BABAM2: variants seen among roughly 807,000 people sequenced by gnomAD.
The protein encoded by BABAM2 is BRISC and BRCA1-A complex member 2.
BABAM2 carries 31 observed loss-of-function variants against 54.7 expected under a neutral mutation model. That is an observed-to-expected ratio of 0.57 (90% CI 0.43 to 0.77). BABAM2 has a LOEUF of 0.77. Among genes scored for constraint, BABAM2 ranks in the 30% least tolerant of loss-of-function variants. BABAM2 has a pLI of 0.00. For missense variants in BABAM2, 364 were observed against 455.8 expected, an observed-to-expected ratio of 0.80 and a Z score of 1.83; for synonymous variants, 167 against 162.9, an observed-to-expected ratio of 1.03 and a Z score of -0.19.
chr2:27,918,698 A>G (rs964138752), intron 2 of BABAM2, among the ~76,000 whole-genome samples: 1 of 152,058 alleles, frequency 6.6e-6, no homozygotes, highest in Non-Finnish European at 1.5e-5. Context: ...ACAACTTTTC[A>G]TTATGAGTCT....
intron 7 of BABAM2, among the ~76,000 whole-genome samples, chr2:28,211,938 T>G (rs979896249): frequency 6.6e-6 from 1 of 152,194 alleles, no homozygotes; most frequent in Non-Finnish European, 1.5e-5. Context: ...AGTGGTTGGT[T>G]TGTTCAAATC....
chr2:28,107,000 A>C (rs920601804), intron 6 of BABAM2, among the ~76,000 whole-genome samples: 1 of 152,202 alleles, frequency 6.6e-6, no homozygotes, highest in African/African-American at 2.4e-5. Flanking sequence ...GCATATTTGT[A>C]ACTTCCTTCT....
At chr2:28,299,603 T>C (rs1324627604) in intron 11 of BABAM2, among the ~76,000 whole-genome samples, 1 of 152,182 alleles carries the variant, frequency 6.6e-6, no homozygotes, top group Admixed American at 6.5e-5. Context: ...GCATCTACCA[T>C]GTTCCAAGCA....
At chr2:27,931,685 G>A (rs1212126966) in intron 3 of BABAM2, among the ~76,000 whole-genome samples, 4 of 151,970 alleles carry the variant, frequency 2.6e-5, no homozygotes, top group African/African-American at 9.7e-5. Context: ...TTCTTAGTAA[G>A]TACCTGGTAC....
chr2:28,245,174 A>G (rs941669407), intron 10 of BABAM2, among the ~76,000 whole-genome samples: 1 of 152,072 alleles, frequency 6.6e-6, no homozygotes, highest in Non-Finnish European at 1.5e-5. Context: ...ACATCCTACA[A>G]TGCACATGAC....
At chr2:28,201,519 C>T (rs1195671435) in intron 7 of BABAM2, among the ~76,000 whole-genome samples, 14 of 151,972 alleles carry the variant, frequency 9.2e-5, no homozygotes, top group Non-Finnish European at 1.9e-4. Flanking sequence ...TTACATGGTG[C>T]CCTAATATTC....
intron 10 of BABAM2, among the ~76,000 whole-genome samples, chr2:28,255,653 T>TC (rs1683908413): frequency 6.6e-6 from 1 of 151,910 alleles, no homozygotes; most frequent in South Asian, 2.1e-4. Context: ...AACTTAGAAG[T>TC]TTTTGTTTGT....
In BABAM2 at chr2:28,026,929, T is replaced by TATATATATAGATATATATAA. The variant is rs1675853333; in HGVS notation, c.495+1518_495+1519insGATATATATAAATATATATA. 1.5e-4 allele frequency among the ~76,000 whole-genome samples: 2 copies of TATATATATAGATATATATAA among 13,254 alleles called. 1 individual carries two copies. The highest frequency in any genetic ancestry group is 3.7e-4 in the Non-Finnish European group (2 of 5,458). 8.7% of individuals were successfully genotyped at this position (13,254 alleles called of 152,430 possible). The stretch of plus-strand genomic sequence containing the variant: ...ATAAATATATATTAATATATATAAA[T>TATATATATAGATATATATAA]ATATATATAAATATATATTAATATA... On this transcript the variant is annotated intron_variant, in intron 5 of 11. Coordinates refer to ENST00000379624, the MANE Select transcript of BABAM2 (RefSeq NM_199191.3).
chr2:28,135,337 G>A (rs1052996676), intron 7 of BABAM2, among the ~76,000 whole-genome samples: 3 of 152,116 alleles, frequency 2.0e-5, no homozygotes, highest in South Asian at 2.1e-4. Flanking sequence ...TGTCTATCAT[G>A]TGTTTTATAA....
intron 11 of BABAM2, among the ~76,000 whole-genome samples, chr2:28,317,028 T>C (rs1454226407): frequency 1.3e-5 from 2 of 152,154 alleles, no homozygotes; most frequent in African/African-American, 2.4e-5. Flanking sequence ...CTGGATTACC[T>C]GATGAGTATC....
intron 6 of BABAM2, among the ~76,000 whole-genome samples, chr2:28,115,791 G>A (rs936659269): frequency 6.6e-6 from 1 of 151,978 alleles, no homozygotes; most frequent in African/African-American, 2.4e-5. Flanking sequence ...ACCTGCAGTA[G>A]TTAGGATGTA....
rs531354672 is a variant in BABAM2, at chr2:28,111,055, G to A, written c.571-18216G>A. On this transcript the variant is annotated intron_variant, in intron 6 of 11. Coordinates refer to ENST00000379624, the MANE Select transcript of BABAM2 (RefSeq NM_199191.3). Reference sequence around the variant, plus strand: ...GCAATCTCGGCTCACTGCAACCTCCGCCTCCTGGGTTCAAGCAGTTCTCCT... The same window carrying A: ...GCAATCTCGGCTCACTGCAACCTCCACCTCCTGGGTTCAAGCAGTTCTCCT... 1.1e-4 allele frequency among the ~76,000 whole-genome samples: 17 copies of A among 147,830 alleles called. No individual in the cohort carries two copies. The South Asian group carries it at 2.2e-3, about 19-fold the overall frequency.
In BABAM2 at chr2:28,237,216, C is replaced by T. The variant is rs1377314869; in HGVS notation, c.695C>T (p.Ser232Phe). Residue 232 changes from serine to phenylalanine, a missense_variant, in exon 8 of 12, where the codon TCC (serine) becomes TTC (phenylalanine). Transcript: ENST00000379624. ...TGTCCTTTCAGTGCACTTGGAGGCT[C>T]CTCAGCTCTTCATATCCCAGCTTTT... ...SPRIEHALGG[S>F]SALHIPAFPG... The T allele has an allele frequency of 6.2e-7, 1 of 1,613,726 alleles. No homozygotes were observed. The highest frequency in any genetic ancestry group is 8.5e-7 in the Non-Finnish European group (1 of 1,179,770).
chr2:28,086,518 A>G (rs539426248), intron 6 of BABAM2, among the ~76,000 whole-genome samples: 2 of 152,328 alleles, frequency 1.3e-5, no homozygotes, highest in Non-Finnish European at 2.9e-5. Context: ...GAGGGCTGAA[A>G]AAAGTTTTTT....
chr2:28,000,907 A>T (rs961794090), intron 4 of BABAM2, among the ~76,000 whole-genome samples: 7 of 151,508 alleles, frequency 4.6e-5, no homozygotes, highest in African/African-American at 1.5e-4. Context: ...TTTTTGTGGC[A>T]TTTTCTTACT....
In BABAM2 at chr2:28,310,988, G is replaced by A. The variant is rs184643137; in HGVS notation, c.1088+12497G>A. ...TCAAGAACAATTGAGTGGGCTGGGC[G>A]CGGTGGCTCACGCCTGTAATCCCAG... On this transcript the variant is annotated intron_variant, in intron 11 of 11. Transcript: ENST00000379624. Among the ~76,000 whole-genome samples, 80 of 152,134 alleles carry A rather than the reference G, an allele frequency of 5.3e-4. 2 individuals carry two copies. Among genetic ancestry groups the A allele is most frequent in the Admixed American group, 7.8e-4 (12 of 15,288 alleles).
chr2:28,040,220 T>C (rs1285878984), intron 5 of BABAM2, among the ~76,000 whole-genome samples: 2 of 151,744 alleles, frequency 1.3e-5, no homozygotes, highest in Non-Finnish European at 2.9e-5. Flanking sequence ...AAAATTATCA[T>C]GTACTCAGTT....
intron 2 of BABAM2, among the ~76,000 whole-genome samples, chr2:27,900,320 A>T (rs1300066286): frequency 6.6e-6 from 1 of 152,006 alleles, no homozygotes; most frequent in East Asian, 1.9e-4. Context: ...TATATTCTAG[A>T]TCTGGTTCAT....
intron 6 of BABAM2, among the ~76,000 whole-genome samples, chr2:28,073,560 A>G (rs1381885658): frequency 6.6e-6 from 1 of 152,214 alleles, no homozygotes; most frequent in Non-Finnish European, 1.5e-5. Context: ...TCATTGTAAA[A>G]AATGTATGAA....
Sources: allele counts gnomAD v4.1 joint callset (sites outside exome capture counted in the v4.1 genomes callset), GRCh38; gene constraint gnomAD v4.1.1; transcripts MANE v1.5; gene names NCBI Gene and HGNC (gene_info 2026-07-23, HGNC 2026-07-21).